The following TMPRSS15 variants were observed in gnomAD, a reference collection of about 807,000 sequenced individuals.
TMPRSS15 encodes the protein enteropeptidase.
Under a neutral mutation model 125.3 loss-of-function variants are expected in TMPRSS15, and 128 were observed. The ratio of observed to expected loss-of-function variants is 1.02; its 90% CI spans 0.89 to 1.18. The LOEUF (loss-of-function observed/expected upper bound fraction) is 1.18. Among genes scored for constraint, TMPRSS15 ranks in the 50% most tolerant of loss-of-function variants. The probability of loss-of-function intolerance (pLI) is 0.00; values close to 1 mark genes in which losing one functional copy is unlikely to be tolerated. For synonymous variants in TMPRSS15, 446 were observed against 423.2 expected, an observed-to-expected ratio of 1.05 and a Z score of -0.66; for missense variants, 1,283 against 1,212.7, an observed-to-expected ratio of 1.06 and a Z score of -0.86.
chr21:18,269,263 T>G lies in TMPRSS15; in HGVS notation c.*706A>C, dbSNP rs1484662978. On this transcript the variant is annotated 3_prime_UTR_variant, in exon 25 of 25. Coordinates refer to ENST00000284885, the MANE Select transcript of TMPRSS15 (RefSeq NM_002772.3). Reference sequence around the variant, plus strand: ...AATAGGTGCATTTCTTTGGTATGTCTGATTATTTTCTTGAGACTTAAAAAT... The same window carrying G: ...AATAGGTGCATTTCTTTGGTATGTCGGATTATTTTCTTGAGACTTAAAAAT... 3 of 152,244 alleles carry G rather than the reference T, an allele frequency of 2.0e-5. No individual in the cohort carries two copies. The East Asian group carries it at 5.8e-4, about 29-fold the overall frequency. The allele number at this position is 152,244 out of a possible 1,614,324, so 9.4% of individuals were successfully genotyped here.
intron 18 of TMPRSS15, among the ~76,000 whole-genome samples, chr21:18,305,276 C>T (rs1471160884): frequency 6.7e-6 from 1 of 149,050 alleles, no homozygotes; most frequent in African/African-American, 2.5e-5. Flanking sequence ...GCAAGCTCCG[C>T]CTCCCGGGTT....
chr21:18,340,938 A>G (rs1201966904), intron 13 of TMPRSS15, among the ~76,000 whole-genome samples: 1 of 152,236 alleles, frequency 6.6e-6, no homozygotes, highest in Non-Finnish European at 1.5e-5. Context: ...TGTAACATGT[A>G]ATATTTTGCT....
chr21:18,359,264 T>C (rs929604145), intron 8 of TMPRSS15, among the ~76,000 whole-genome samples: 2 of 152,032 alleles, frequency 1.3e-5, no homozygotes, highest in Admixed American at 6.6e-5. Flanking sequence ...ATACCATCCA[T>C]CCACATCTAT....
rs912648953 is a variant in TMPRSS15, at chr21:18,468,749, C to T, written c.10+17050G>A. On this transcript the variant is annotated intron_variant, in intron 1 of 7. Coordinates refer to the TMPRSS15 transcript ENST00000422787. ...TTCATTTATTTCATTTAGCAATAAA[C>T]GAGTAATTGTACTTTGGGTATACAC... 7.2e-5 allele frequency among the ~76,000 whole-genome samples: 11 copies of T among 152,052 alleles called. 1 individual carries two copies. The highest frequency in any genetic ancestry group is 2.2e-4 in the African/African-American group (9 of 41,416).
intron 1 of TMPRSS15, among the ~76,000 whole-genome samples, chr21:18,445,598 A>G (rs1244245649): frequency 6.6e-6 from 1 of 152,232 alleles, no homozygotes; most frequent in East Asian, 1.9e-4. Flanking sequence ...TAGCACATCA[A>G]AAAGATCATT....
intron 24 of TMPRSS15, among the ~76,000 whole-genome samples, chr21:18,272,850 T>C (rs10084609): frequency 0.12 from 17,986 of 152,270 alleles, 1,155 homozygotes; most frequent in Middle Eastern, 0.21. Flanking sequence ...GCTATATTTA[T>C]AAGTAAACAT....
At chr21:18,296,099 G>A (rs2074904246) in intron 19 of TMPRSS15, among the ~76,000 whole-genome samples, 1 of 152,176 alleles carries the variant, frequency 6.6e-6, no homozygotes, top group Non-Finnish European at 1.5e-5. Context: ...CTTGCAGTGA[G>A]CCGAGATCAC....
At chr21:18,437,677 A>G (rs1456899077) in intron 1 of TMPRSS15, among the ~76,000 whole-genome samples, 1 of 152,238 alleles carries the variant, frequency 6.6e-6, no homozygotes, top group East Asian at 1.9e-4. Context: ...ATATGAGCGG[A>G]CACTTCTCAA....
chr21:18,431,384 T>C (rs2076216223), intron 1 of TMPRSS15, among the ~76,000 whole-genome samples: 1 of 152,138 alleles, frequency 6.6e-6, no homozygotes. Context: ...TATGTAAAGT[T>C]TTATCATGGC....
At chr21:18,478,517 CA>C (rs1242066869) in intron 1 of TMPRSS15, among the ~76,000 whole-genome samples, 1 of 151,980 alleles carries the variant, frequency 6.6e-6, no homozygotes, top group Non-Finnish European at 1.5e-5. Flanking sequence ...ACTAAGATTT[CA>C]ACATCATTTT....
At chr21:18,464,516 T>C (rs11908973) in intron 1 of TMPRSS15, among the ~76,000 whole-genome samples, 5,164 of 151,860 alleles carry the variant, frequency 0.034, 211 homozygotes, top group African/African-American at 0.099. Flanking sequence ...AGACTGCTAG[T>C]CAGATTAATA....
At chr21:18,446,169 C>T (rs913798557) in intron 1 of TMPRSS15, among the ~76,000 whole-genome samples, 6 of 151,876 alleles carry the variant, frequency 4.0e-5, no homozygotes, top group African/African-American at 7.3e-5. Flanking sequence ...CAGCAGCAAA[C>T]GATCTGAAAA....
chr21:18,398,420 C>T, intron 1 of TMPRSS15, 91 bp from the exon 2 acceptor site: 1 of 1,343,008 alleles, frequency 7.4e-7, no homozygotes, highest in South Asian at 1.2e-5. Context: ...AAGTAAAGCT[C>T]TCGCCTGATG....
At chr21:18,377,722 A>G (rs1245174599) in intron 5 of TMPRSS15, among the ~76,000 whole-genome samples, 2 of 152,106 alleles carry the variant, frequency 1.3e-5, no homozygotes, top group African/African-American at 2.4e-5. Flanking sequence ...TGTGAAAGAC[A>G]GGGCTAAGTG....
At chr21:18,412,415 A>C (rs1203082400) in intron 1 of TMPRSS15, among the ~76,000 whole-genome samples, 3 of 152,358 alleles carry the variant, frequency 2.0e-5, no homozygotes, top group Non-Finnish European at 2.9e-5. Context: ...TCTAAGCGAA[A>C]GAATAAAAAT....
rs561187772 is a variant in TMPRSS15 at position 18,469,880 on chromosome 21, CTCTA to C, written c.10+15915_10+15918del. Among the ~76,000 whole-genome samples, 699 of 152,124 alleles carry C rather than the reference CTCTA, an allele frequency of 4.6e-3. 6 individuals are homozygous for C. The highest frequency in any genetic ancestry group is 0.016 in the African/African-American group (667 of 41,534). ...GTACCTATATTAAAGTTAAAAATAG[CTCTA>C]TCTTTTTCCATGTTTCCAATAAGTA... is the stretch of plus-strand genomic sequence containing the variant. On this transcript the variant is annotated intron_variant, in intron 1 of 7. Transcript: ENST00000422787.
chr21:18,389,679 G>T (rs771669960), intron 3 of TMPRSS15, among the ~76,000 whole-genome samples: 1 of 152,056 alleles, frequency 6.6e-6, no homozygotes, highest in South Asian at 2.1e-4. Context: ...AGGCACTGAG[G>T]TTTCTTTTGA....
At position 18,341,546 on chromosome 21, in the gene TMPRSS15, A is replaced by C. The variant is rs946348151; in HGVS notation, c.1431T>G (p.Val477=). 5 of 1,613,970 alleles carry C rather than the reference A, an allele frequency of 3.1e-6. No homozygotes were observed. In the African/African-American group the frequency reaches 6.7e-5, roughly 22 times the overall value. ...TCTTGTTTTTAAAAGCATTAAAAGC[A>C]ACCTGCAATTCAGAGAGGCATATGA... The part of the protein sequence containing the change: ...VTLNETVKFK[V]AFNAFKNKIL... The change falls in exon 13 of 25, where the codon GTT becomes GTG. Residue 477 remains valine, a splice_region_variant and synonymous_variant. Coordinates refer to ENST00000284885, the MANE Select transcript of TMPRSS15 (RefSeq NM_002772.3).
At position 18,372,424 on chromosome 21, in the gene TMPRSS15, A is replaced by T. The variant is rs113674441; in HGVS notation, c.533-100T>A. ...GCCACTGGGGTTCTTACTTATAAGTATGTTCTTCAACTGCCATAGGAATAT... is the reference window on the plus strand; with the variant it reads ...GCCACTGGGGTTCTTACTTATAAGTTTGTTCTTCAACTGCCATAGGAATAT... On this transcript the variant is annotated intron_variant, in intron 5 of 24. Coordinates refer to ENST00000284885, the MANE Select transcript of TMPRSS15 (RefSeq NM_002772.3). 3.6e-4 allele frequency: 351 copies of T among 983,650 alleles called. 1 individual carries two copies. In the African/African-American group the frequency reaches 4.5e-3, roughly 13 times the overall value. The allele number at this position is 983,650 out of a possible 1,614,324, so 60.9% of individuals were successfully genotyped here.
Sources: gnomAD v4.1 joint callset for allele counts (sites outside exome capture counted in the v4.1 genomes callset) on GRCh38, gnomAD v4.1.1 for gene constraint, MANE v1.5 for transcripts, NCBI Gene and HGNC (gene_info 2026-07-23, HGNC 2026-07-21) for gene names.